The following ADAM23 variants were observed in gnomAD, a reference collection of about 807,000 sequenced individuals.
The protein encoded by ADAM23 is ADAM metallopeptidase domain 23.
A neutral mutation model predicts 120.1 loss-of-function variants in ADAM23; 33 were observed. The observed-to-expected ratio is 0.27, with a 90% CI of 0.21 to 0.37. The LOEUF (loss-of-function observed/expected upper bound fraction) is 0.37. ADAM23 is among the 10% of genes least tolerant of loss of function. The pLI is 1.00. For synonymous variants in ADAM23, 367 were observed against 375.2 expected (o/e 0.98, Z 0.25); for missense variants, 862 against 1,058.2 (o/e 0.81, Z 2.57).
Position 206,548,364 on chromosome 2 carries a change from G to T in ADAM23, c.867+10G>T, listed in dbSNP as rs745722413. ...GAAGAGAGCAGTGAATGTGAGTGTG[G>T]CATTGAGCCTTGGGTGGGCCTATTT... On this transcript the variant is annotated intron_variant, in intron 8 of 25. Transcript: ENST00000264377. The T allele has an allele frequency of 6.2e-7, 1 of 1,606,218 alleles. No homozygotes were observed. The highest frequency in any genetic ancestry group is 1.1e-5 in the South Asian group (1 of 91,036).
At chr2:206,474,840 G>A (rs529403638) in intron 2 of ADAM23, among the ~76,000 whole-genome samples, 1 of 152,284 alleles carries the variant, frequency 6.6e-6, no homozygotes, top group Non-Finnish European at 1.5e-5. Flanking sequence ...CTCTCAAAGT[G>A]TTGGGATTAC....
chr2:206,549,987 A>G (rs1697479458), intron 8 of ADAM23, 108 bp from the exon 9 acceptor site: 1 of 574,314 alleles, frequency 1.7e-6, no homozygotes, highest in Admixed American at 3.8e-5. Flanking sequence ...TAAAGTAGGC[A>G]GCAGAGAGTT....
In ADAM23 at chr2:206,557,368, T is replaced by C. The variant is rs186495175; in HGVS notation, c.934-59T>C. 3.6e-5 allele frequency: 48 copies of C among 1,350,426 alleles called. No individual in the cohort carries two copies. In the East Asian group the frequency reaches 9.4e-4, roughly 26 times the overall value. The allele number at this position is 1,350,426 out of a possible 1,614,324, so 83.7% of individuals were successfully genotyped here. A position where few individuals can be genotyped will look rare whatever the true frequency, so the allele number is the denominator to read the frequency against. On this transcript the variant is annotated intron_variant, in intron 9 of 25. Coordinates refer to ENST00000264377, the MANE Select transcript of ADAM23 (RefSeq NM_003812.4). ...CTGAGATATTTCTGCTTTTACAGCA[T>C]TTTGAAATTTATTATTCACTTATGA...
At chr2:206,484,828 C>G (rs1236631987) in intron 3 of ADAM23, among the ~76,000 whole-genome samples, 1 of 152,162 alleles carries the variant, frequency 6.6e-6, no homozygotes, top group Non-Finnish European at 1.5e-5. Flanking sequence ...TGGGAGGTAA[C>G]TGAATCATGG....
chr2:206,506,154 A>G (rs2105896844), intron 3 of ADAM23, among the ~76,000 whole-genome samples: 1 of 152,260 alleles, frequency 6.6e-6, no homozygotes, highest in South Asian at 2.1e-4. Flanking sequence ...AGGCTACCAG[A>G]TTTCATGAAA....
At chr2:206,577,993 T>A (rs1387760909) in intron 18 of ADAM23, among the ~76,000 whole-genome samples, 1 of 152,110 alleles carries the variant, frequency 6.6e-6, no homozygotes, top group Non-Finnish European at 1.5e-5. Flanking sequence ...TGGTTTTGAT[T>A]TGCATTTCTC....
chr2:206,547,564 T>C (rs1396298010), intron 7 of ADAM23, 63 bp downstream of exon 7: 28 of 1,370,212 alleles, frequency 2.0e-5, no homozygotes, highest in Non-Finnish European at 2.7e-5. Context: ...CTGGTGGAGC[T>C]CAGTAGATAT....
intron 6 of ADAM23, among the ~76,000 whole-genome samples, chr2:206,546,234 C>G (rs556521962): frequency 6.6e-6 from 1 of 152,148 alleles, no homozygotes; most frequent in African/African-American, 2.4e-5. Context: ...GTGCTTTAAA[C>G]TTTAGTCGAT....
intron 2 of ADAM23, among the ~76,000 whole-genome samples, chr2:206,468,016 A>C (rs1285679692): frequency 6.6e-6 from 1 of 152,140 alleles, no homozygotes; most frequent in Non-Finnish European, 1.5e-5. Context: ...AGCAGGGAGC[A>C]GTGTCCTGAG....
rs1303265804 is a variant in ADAM23, at chr2:206,530,871, TC to T, written c.510-13del. ...CTTAGATGCAGAAATCACTCTATTTTCTTTCCTTTGTAGTGGTTTGTTGTCT... is the reference window on the plus strand; with the variant it reads ...CTTAGATGCAGAAATCACTCTATTTTTTTCCTTTGTAGTGGTTTGTTGTCT... On this transcript the variant is annotated splice_polypyrimidine_tract_variant and intron_variant, in intron 3 of 25. Coordinates refer to ENST00000264377, the MANE Select transcript of ADAM23 (RefSeq NM_003812.4). 6.2e-7 allele frequency: 1 copy of T among 1,611,602 alleles called. No individual in the cohort carries two copies. The highest frequency in any genetic ancestry group is 1.3e-5 in the African/African-American group (1 of 74,838).
chr2:206,468,071 C>T (rs1197136500), intron 2 of ADAM23, among the ~76,000 whole-genome samples: 1 of 152,196 alleles, frequency 6.6e-6, no homozygotes, highest in Non-Finnish European at 1.5e-5. Context: ...CAATTCAATT[C>T]TTCCCTCCTA....
intron 2 of ADAM23, among the ~76,000 whole-genome samples, chr2:206,459,155 G>A (rs1384182684): frequency 6.6e-6 from 1 of 152,188 alleles, no homozygotes; most frequent in Non-Finnish European, 1.5e-5. Flanking sequence ...TTTCATCTCT[G>A]CAGAACGTTT....
At chr2:206,559,898 T>C (rs1697725626) in intron 10 of ADAM23, 57 bp from the exon 11 acceptor site, 3 of 1,484,700 alleles carry the variant, frequency 2.0e-6, no homozygotes, top group Non-Finnish European at 2.7e-6. Context: ...GACTCACTGA[T>C]CGTGCATGTT....
At position 206,470,254 on chromosome 2, in the gene ADAM23, C is replaced by G. The variant is rs368704989; in HGVS notation, c.433-10978C>G. 2.2e-4 allele frequency among the ~76,000 whole-genome samples: 33 copies of G among 152,164 alleles called. No individual in the cohort carries two copies. In the East Asian group the frequency reaches 4.1e-3, roughly 19 times the overall value. On this transcript the variant is annotated intron_variant, in intron 2 of 25. Coordinates refer to ENST00000264377, the MANE Select transcript of ADAM23 (RefSeq NM_003812.4). Reference sequence around the variant, plus strand: ...TCCTCAGATACATAATAGACATATTCTATTTTTATTTCTATATGTCTTCAA... The same window carrying G: ...TCCTCAGATACATAATAGACATATTGTATTTTTATTTCTATATGTCTTCAA...
At chr2:206,601,114 C>G (rs905437998) in intron 24 of ADAM23, among the ~76,000 whole-genome samples, 3 of 152,198 alleles carry the variant, frequency 2.0e-5, no homozygotes, top group African/African-American at 4.8e-5. Flanking sequence ...CAATTATTGT[C>G]TGTATGTAGA....
chr2:206,589,767 T>G (rs1167284737), intron 21 of ADAM23, among the ~76,000 whole-genome samples: 1 of 152,202 alleles, frequency 6.6e-6, no homozygotes, highest in African/African-American at 2.4e-5. Flanking sequence ...TTTACTTCAT[T>G]TTTGTTCTGA....
At chr2:206,468,259 A>C (rs900093363) in intron 2 of ADAM23, among the ~76,000 whole-genome samples, 1 of 152,282 alleles carries the variant, frequency 6.6e-6, no homozygotes, top group South Asian at 2.1e-4. Flanking sequence ...CCAGGCTGCA[A>C]ATTTTCCAAA....
At chr2:206,505,872 G>A (rs200900768) in intron 3 of ADAM23, among the ~76,000 whole-genome samples, 2 of 152,088 alleles carry the variant, frequency 1.3e-5, no homozygotes, top group Non-Finnish European at 2.9e-5. Flanking sequence ...GATCTCCACC[G>A]GCTGTCTAAA....
chr2:206,494,824 C>A (rs1696204705), intron 3 of ADAM23, among the ~76,000 whole-genome samples: 1 of 152,022 alleles, frequency 6.6e-6, no homozygotes, highest in Non-Finnish European at 1.5e-5. Flanking sequence ...CATGTGAAAA[C>A]CATGGCACGA....
Sources: gnomAD v4.1 joint callset for allele counts (sites outside exome capture counted in the v4.1 genomes callset) on GRCh38, gnomAD v4.1.1 for gene constraint, MANE v1.5 for transcripts, NCBI Gene and HGNC (gene_info 2026-07-23, HGNC 2026-07-21) for gene names.